LNPK: variants seen among roughly 807,000 people sequenced by gnomAD.
LNPK encodes endoplasmic reticulum junction formation protein lunapark.
Under a neutral mutation model 55.2 loss-of-function variants are expected in LNPK, and 29 were observed. The observed-to-expected ratio is 0.53, with a 90% CI of 0.39 to 0.72. The LOEUF (loss-of-function observed/expected upper bound fraction) is 0.72. Among genes scored for constraint, LNPK ranks in the 30% least tolerant of loss-of-function variants. The pLI, the probability that LNPK is intolerant of heterozygous loss-of-function variation, is 0.00. For missense variants in LNPK, 467 were observed against 494.8 expected (o/e 0.94, Z 0.53); for synonymous variants, 162 against 168.2 (o/e 0.96, Z 0.29).
At chr2:175,937,554 A>C in intron 11 of LNPK, 40 bp from the exon 12 acceptor site, 1 of 1,503,200 alleles carries the variant, frequency 6.7e-7, no homozygotes, top group Non-Finnish European at 9.1e-7. Context: ...ACCACAAACC[A>C]AGCAAAGTTC....
chr2:175,965,981 C>A (rs757670311), intron 6 of LNPK, among the ~76,000 whole-genome samples: 1 of 152,158 alleles, frequency 6.6e-6, no homozygotes, highest in Non-Finnish European at 1.5e-5. Context: ...TCTATGTCAG[C>A]GTAATAGTAG....
rs762513298 is a variant in LNPK at position 175,995,661 on chromosome 2, A to G, written c.-62-15T>C. The G allele has an allele frequency of 7.9e-7, 1 of 1,262,346 alleles. No individual in the cohort carries two copies. Among genetic ancestry groups the G allele is most frequent in the Non-Finnish European group, 1.2e-6 (1 of 861,918 alleles). The allele number at this position is 1,262,346 out of a possible 1,614,324, so 78.2% of individuals were successfully genotyped here. On this transcript the variant is annotated splice_polypyrimidine_tract_variant and intron_variant, in intron 1 of 12. Transcript: ENST00000272748. ...GGAATTCACAGCTAGAAATAAAGCA[A>G]GTATTTAAAATGTTAAGTTAAACAC...
chr2:175,941,790 C>CAAAAAAAAAAAAAAAAAAAAAAAAAAAAA (rs59162981), intron 9 of LNPK, among the ~76,000 whole-genome samples: 1 of 51,942 alleles, frequency 1.9e-5, no homozygotes, highest in Non-Finnish European at 3.4e-5. Context: ...GATTCCATCT[C>CAAAAAAAAAAAAAAAAAAAAAAAAAAAAA]AAAAAAAAAA....
chr2:175,950,185 G>A (rs1685329445), intron 8 of LNPK, among the ~76,000 whole-genome samples: 2 of 152,020 alleles, frequency 1.3e-5, no homozygotes, highest in African/African-American at 4.8e-5. Flanking sequence ...ACTCACTGAG[G>A]ATGATGACAT....
intron 9 of LNPK, among the ~76,000 whole-genome samples, chr2:175,943,930 A>C (rs545828552): frequency 6.6e-6 from 1 of 152,246 alleles, no homozygotes; most frequent in East Asian, 1.9e-4. Flanking sequence ...TATAGCTCAT[A>C]TAATAAGGTA....
At chr2:175,970,516 GA>G (rs1228793328) in intron 6 of LNPK, among the ~76,000 whole-genome samples, 1 of 151,914 alleles carries the variant, frequency 6.6e-6, no homozygotes, top group Non-Finnish European at 1.5e-5. Context: ...CCTCCAATAT[GA>G]CTCATTTACT....
At position 175,929,756 on chromosome 2, in the gene LNPK, C is replaced by A; in HGVS notation, c.*211G>T. The A allele has an allele frequency of 7.1e-7, 1 of 1,399,434 alleles. No individual in the cohort carries two copies. 86.7% of individuals were successfully genotyped at this position (1,399,434 alleles called of 1,614,324 possible). A position where few individuals can be genotyped will look rare whatever the true frequency, so the allele number is the denominator to read the frequency against. ...TCAATAGTGTGGGTCTTTGTACATTCAAAAGGATCTTACTTCACTGATATA... is the reference window on the plus strand; with the variant it reads ...TCAATAGTGTGGGTCTTTGTACATTAAAAAGGATCTTACTTCACTGATATA... On this transcript the variant is annotated 3_prime_UTR_variant, in exon 13 of 13. Coordinates refer to ENST00000272748, the MANE Select transcript of LNPK (RefSeq NM_030650.3).
At chr2:175,988,201 A>C (rs1163695808) in intron 4 of LNPK, among the ~76,000 whole-genome samples, 1 of 152,118 alleles carries the variant, frequency 6.6e-6, no homozygotes, top group Non-Finnish European at 1.5e-5. Context: ...AGATTTAGCA[A>C]TATATAAATC....
chr2:175,964,246 A>C, intron 8 of LNPK, 126 bp downstream of exon 8: 1 of 656,936 alleles, frequency 1.5e-6, no homozygotes, highest in Non-Finnish European at 2.6e-6. Flanking sequence ...ATCCCAAATT[A>C]CCAAATATAA....
chr2:175,942,502 A>T (rs1281006055), intron 9 of LNPK, among the ~76,000 whole-genome samples: 2 of 152,178 alleles, frequency 1.3e-5, no homozygotes, highest in Non-Finnish European at 2.9e-5. Flanking sequence ...CTAACAAAAT[A>T]ATTAAATTAG....
intron 4 of LNPK, among the ~76,000 whole-genome samples, chr2:175,987,689 CACT>C (rs1479035738): frequency 4.0e-5 from 6 of 150,208 alleles, no homozygotes; most frequent in African/African-American, 1.5e-4. Context: ...AAAAAAAAAT[CACT>C]ACATTCCTAT....
intron 6 of LNPK, among the ~76,000 whole-genome samples, 175 bp from the exon 7 acceptor site, chr2:175,964,764 T>C (rs941390683): frequency 6.6e-6 from 1 of 152,208 alleles, no homozygotes; most frequent in African/African-American, 2.4e-5. Context: ...TCTAATATGT[T>C]ACTTGTACTT....
At chr2:175,935,294 G>C (rs1211298992) in intron 12 of LNPK, among the ~76,000 whole-genome samples, 3 of 151,958 alleles carry the variant, frequency 2.0e-5, no homozygotes, top group African/African-American at 4.8e-5. Flanking sequence ...CAGACCTCAA[G>C]TATCTACATC....
intron 6 of LNPK, among the ~76,000 whole-genome samples, chr2:175,969,052 C>T (rs2105647311): frequency 6.6e-6 from 1 of 151,334 alleles, no homozygotes; most frequent in South Asian, 2.1e-4. Flanking sequence ...AAGTGTAAAA[C>T]TACTCAAACA....
At chr2:175,932,870 G>A (rs546439172) in intron 12 of LNPK, among the ~76,000 whole-genome samples, 25 of 152,170 alleles carry the variant, frequency 1.6e-4, no homozygotes, top group Non-Finnish European at 2.9e-4. Flanking sequence ...AATATATTTC[G>A]CAAGATGTTA....
At chr2:175,978,802 G>A (rs1687028510) in intron 5 of LNPK, among the ~76,000 whole-genome samples, 1 of 152,048 alleles carries the variant, frequency 6.6e-6, no homozygotes. Context: ...CATTGATTAG[G>A]CATATAATTG....
At chr2:175,994,914 ATTTTTT>A (rs35432943) in intron 2 of LNPK, among the ~76,000 whole-genome samples, 1 of 88,494 alleles carries the variant, frequency 1.1e-5, no homozygotes, top group Admixed American at 1.5e-4. Flanking sequence ...CTTGTATAGA[ATTTTTT>A]TTTTTTTTTT....
chr2:175,948,257 T>G (rs963765931), intron 8 of LNPK, among the ~76,000 whole-genome samples: 2 of 152,008 alleles, frequency 1.3e-5, no homozygotes, highest in Non-Finnish European at 2.9e-5. Context: ...ACAGATCTAC[T>G]CCATATAAAC....
At chr2:175,970,237 A>G (rs1452658208) in intron 6 of LNPK, among the ~76,000 whole-genome samples, 1 of 152,148 alleles carries the variant, frequency 6.6e-6, no homozygotes, top group African/African-American at 2.4e-5. Context: ...GGGATGCATC[A>G]ACTAGCCCCA....
Sources: gnomAD v4.1 joint callset for allele counts (sites outside exome capture counted in the v4.1 genomes callset) on GRCh38, gnomAD v4.1.1 for gene constraint, MANE v1.5 for transcripts, NCBI Gene and HGNC (gene_info 2026-07-23, HGNC 2026-07-21) for gene names.